The following SH3GL2 variants were observed in gnomAD, a reference collection of about 807,000 sequenced individuals.
SH3GL2 encodes the protein SH3 domain containing GRB2 like 2, endophilin A1.
SH3GL2 carries 24 observed loss-of-function variants against 46.0 expected under a neutral mutation model. That is an observed-to-expected ratio of 0.52 (90% CI 0.38 to 0.73). The LOEUF is 0.73. Ranked by LOEUF, SH3GL2 falls within the 30% of genes least tolerant of loss-of-function variation. The pLI is 0.00. For missense variants in SH3GL2, 413 were observed against 424.2 expected, an observed-to-expected ratio of 0.97 and a Z score of 0.23; for synonymous variants, 196 against 147.1, an observed-to-expected ratio of 1.33 and a Z score of -2.40.
intron 1 of SH3GL2, among the ~76,000 whole-genome samples, chr9:17,656,770 C>CAAAACAA (rs1820087557): frequency 9.8e-6 from 1 of 101,566 alleles, no homozygotes; most frequent in Non-Finnish European, 1.9e-5. Context: ...GACTACATCT[C>CAAAACAA]AAAAAAAAAA....
chr9:17,651,608 T>C (rs1819961116), intron 1 of SH3GL2, among the ~76,000 whole-genome samples: 1 of 152,218 alleles, frequency 6.6e-6, no homozygotes, highest in Admixed American at 6.5e-5. Context: ...ATCTTTGTTT[T>C]AGCAGTTTGT....
intron 1 of SH3GL2, among the ~76,000 whole-genome samples, chr9:17,722,490 G>A (rs552761701): frequency 4.6e-5 from 7 of 152,104 alleles, no homozygotes; most frequent in African/African-American, 1.7e-4. Context: ...GTGGCAATGA[G>A]TGTGCAGTAA....
At chr9:17,653,168 A>G (rs1181500486) in intron 1 of SH3GL2, among the ~76,000 whole-genome samples, 5 of 152,116 alleles carry the variant, frequency 3.3e-5, no homozygotes, top group Non-Finnish European at 4.4e-5. Flanking sequence ...CTTTTCTATC[A>G]GGCTTATTTT....
At chr9:17,735,524 T>C (rs1822307942) in intron 1 of SH3GL2, among the ~76,000 whole-genome samples, 1 of 151,854 alleles carries the variant, frequency 6.6e-6, no homozygotes, top group African/African-American at 2.4e-5. Flanking sequence ...ATTTTTTTTT[T>C]CAACCAAACG....
chr9:17,643,681 G>A lies in SH3GL2; in HGVS notation c.45+64394G>A, dbSNP rs1819738877. On this transcript the variant is annotated intron_variant, in intron 1 of 8. Coordinates refer to ENST00000380607, the MANE Select transcript of SH3GL2 (RefSeq NM_003026.5). ...AGCAGCCTTGCATCCCACGGGTGAA[G>A]CCGACTTGATCGTGGTGGATAAGCT... Among the ~76,000 whole-genome samples the A allele has an allele frequency of 2.0e-5, 3 of 152,190 alleles. 1 individual carries two copies. Among genetic ancestry groups the A allele is most frequent in the African/African-American group, 7.2e-5 (3 of 41,446 alleles).
At chr9:17,762,407 A>T (rs1823203221) in intron 3 of SH3GL2, among the ~76,000 whole-genome samples, 1 of 151,750 alleles carries the variant, frequency 6.6e-6, no homozygotes, top group Non-Finnish European at 1.5e-5. Context: ...ATCAAAAAAA[A>T]AAAAAAAAGG....
At chr9:17,788,287 C>CT (rs1377950273) in intron 5 of SH3GL2, among the ~76,000 whole-genome samples, 1 of 152,080 alleles carries the variant, frequency 6.6e-6, no homozygotes, top group African/African-American at 2.4e-5. Context: ...AAATAGAACT[C>CT]TGACTCCAAT....
intron 3 of SH3GL2, among the ~76,000 whole-genome samples, chr9:17,771,569 C>T (rs553346393): frequency 2.0e-5 from 3 of 152,336 alleles, no homozygotes; most frequent in East Asian, 3.9e-4. Flanking sequence ...GATGTTAGTA[C>T]ACTGAGGGTT....
At chr9:17,628,806 G>A (rs1319862527) in intron 1 of SH3GL2, among the ~76,000 whole-genome samples, 1 of 152,070 alleles carries the variant, frequency 6.6e-6, no homozygotes, top group Non-Finnish European at 1.5e-5. Flanking sequence ...TCTTCAGTGT[G>A]AAGCAAGACT....
chr9:17,644,602 G>C (rs1162016664), intron 1 of SH3GL2, among the ~76,000 whole-genome samples: 2 of 152,192 alleles, frequency 1.3e-5, no homozygotes, highest in Non-Finnish European at 2.9e-5. Context: ...TTCAGGAGCA[G>C]GTTGTTCAGT....
intron 1 of SH3GL2, among the ~76,000 whole-genome samples, chr9:17,667,000 T>C (rs1173476338): frequency 6.6e-6 from 1 of 152,160 alleles, no homozygotes; most frequent in Non-Finnish European, 1.5e-5. Context: ...GCTTTTATTA[T>C]GTGTTAAGTT....
At chr9:17,769,000 G>A (rs1221593886) in intron 3 of SH3GL2, among the ~76,000 whole-genome samples, 2 of 152,156 alleles carry the variant, frequency 1.3e-5, no homozygotes, top group Non-Finnish European at 2.9e-5. Flanking sequence ...AAACACACAG[G>A]CACTATTGTT....
At chr9:17,584,346 C>CA (rs751628122) in intron 1 of SH3GL2, among the ~76,000 whole-genome samples, 2 of 152,164 alleles carry the variant, frequency 1.3e-5, no homozygotes, top group South Asian at 4.2e-4. Flanking sequence ...ACTAAAAATA[C>CA]AAAAAGATTA....
chr9:17,620,655 G>A (rs573633299), intron 1 of SH3GL2, among the ~76,000 whole-genome samples: 2 of 152,282 alleles, frequency 1.3e-5, no homozygotes, highest in African/African-American at 2.4e-5. Flanking sequence ...CCAGCAATGG[G>A]ATTGGAGAGA....
rs188344502 is a variant in SH3GL2 at position 17,613,222 on chromosome 9, A to G, written c.45+33935A>G. On this transcript the variant is annotated intron_variant, in intron 1 of 8. Coordinates refer to ENST00000380607, the MANE Select transcript of SH3GL2 (RefSeq NM_003026.5). ...ATCTGAAAAGTGACAGTGAGATAGTAGAAGTATTGTTAAATGCATTCAATT... is the reference window on the plus strand; with the variant it reads ...ATCTGAAAAGTGACAGTGAGATAGTGGAAGTATTGTTAAATGCATTCAATT... Among the ~76,000 whole-genome samples the G allele has an allele frequency of 2.4e-3, 371 of 152,326 alleles. 1 individual carries two copies. The highest frequency in any genetic ancestry group is 3.4e-3 in the Non-Finnish European group (233 of 68,022).
rs1233654405 is a variant in SH3GL2, at chr9:17,791,398, A to G, written c.728+64A>G. On this transcript the variant is annotated intron_variant, in intron 7 of 8. Transcript: ENST00000380607. ...TTGCTATAAAATGATGTATAAAGAA[A>G]TGGAAATCATAGAATACATTTGGAG... 4 of 1,138,408 alleles carry G rather than the reference A, an allele frequency of 3.5e-6. No individual in the cohort carries two copies. In the African/African-American group the frequency reaches 6.1e-5, roughly 17 times the overall value. The allele number at this position is 1,138,408 out of a possible 1,614,324, so 70.5% of individuals were successfully genotyped here. A position where few individuals can be genotyped will look rare whatever the true frequency, so the allele number is the denominator to read the frequency against.
chr9:17,742,854 A>C lies in SH3GL2; in HGVS notation c.46-4212A>C, dbSNP rs1398730971. ...AGAGTTGTTTTTAGGAGTTGTTTTT[A>C]GTTTTTTGGATGATACAGGGGGACA... On this transcript the variant is annotated intron_variant, in intron 1 of 8. Transcript: ENST00000380607. 2.6e-5 allele frequency among the ~76,000 whole-genome samples: 4 copies of C among 151,760 alleles called. No homozygotes were observed. In the East Asian group the frequency reaches 7.8e-4, roughly 30 times the overall value.
intron 1 of SH3GL2, among the ~76,000 whole-genome samples, chr9:17,732,963 T>A (rs1822223191): frequency 6.6e-6 from 1 of 152,142 alleles, no homozygotes. Context: ...CTGTAACACC[T>A]GGCTGTCTGA....
At chr9:17,604,016 A>G (rs760816260) in intron 1 of SH3GL2, among the ~76,000 whole-genome samples, 1 of 152,204 alleles carries the variant, frequency 6.6e-6, no homozygotes, top group Non-Finnish European at 1.5e-5. Context: ...AGTCTCCGAT[A>G]TGTTGTTTTT....
Sources: gnomAD v4.1 joint callset for allele counts (sites outside exome capture counted in the v4.1 genomes callset) on GRCh38, gnomAD v4.1.1 for gene constraint, MANE v1.5 for transcripts, NCBI Gene and HGNC (gene_info 2026-07-23, HGNC 2026-07-21) for gene names.